VWA8: variants seen among roughly 807,000 people sequenced by gnomAD.
VWA8 encodes von Willebrand factor A domain-containing protein 8.
In VWA8, 221 loss-of-function variants were observed where a neutral mutation model predicts 241.5. That is an observed-to-expected ratio of 0.91 (90% CI 0.82 to 1.02). The LOEUF (loss-of-function observed/expected upper bound fraction) is 1.02, where lower values mean the gene tolerates loss of function less well. Ranked by LOEUF, VWA8 falls within the 50% of genes least tolerant of loss-of-function variation. The pLI, the probability that VWA8 is intolerant of heterozygous loss-of-function variation, is 0.00. For missense variants in VWA8, 2,322 were observed against 2,328.7 expected (o/e 1.00, Z 0.06); for synonymous variants, 852 against 827.1 (o/e 1.03, Z -0.52).
chr13:41,731,800 G>C (rs1463435422), intron 22 of VWA8, among the ~76,000 whole-genome samples: 2 of 152,062 alleles, frequency 1.3e-5, no homozygotes, highest in African/African-American at 4.8e-5. Context: ...ATGGTTTTAC[G>C]AGGGGAAACC....
intron 2 of VWA8, among the ~76,000 whole-genome samples, chr13:41,913,613 C>T (rs1026639949): frequency 6.6e-6 from 1 of 152,148 alleles, no homozygotes; most frequent in African/African-American, 2.4e-5. Flanking sequence ...TACTCCCCTG[C>T]CCCAAAGAAA....
chr13:41,720,715 T>G (rs527663183), intron 25 of VWA8, among the ~76,000 whole-genome samples: 1 of 152,300 alleles, frequency 6.6e-6, no homozygotes, highest in African/African-American at 2.4e-5. Flanking sequence ...CTGCCCCACC[T>G]TTCTACTTTT....
chr13:41,938,292 T>C (rs1877441659), intron 2 of VWA8, among the ~76,000 whole-genome samples: 1 of 152,134 alleles, frequency 6.6e-6, no homozygotes, highest in South Asian at 2.1e-4. Context: ...CTCTACAGGA[T>C]ACTTCAGAAC....
intron 42 of VWA8, among the ~76,000 whole-genome samples, chr13:41,581,399 C>CA (rs1208380146): frequency 6.6e-6 from 1 of 152,208 alleles, no homozygotes; most frequent in Admixed American, 6.5e-5. Flanking sequence ...ATTACATAAT[C>CA]CCTAACACAA....
chr13:41,712,302 CA>C (rs1349834847), intron 26 of VWA8, among the ~76,000 whole-genome samples: 3 of 152,100 alleles, frequency 2.0e-5, no homozygotes, highest in African/African-American at 7.2e-5. Context: ...ATGGATACCC[CA>C]AATACCCTGA....
intron 37 of VWA8, among the ~76,000 whole-genome samples, chr13:41,617,421 AT>A (rs888900118): frequency 1.4e-4 from 22 of 151,838 alleles, no homozygotes; most frequent in African/African-American, 4.8e-4. Flanking sequence ...GCCAAGATAC[AT>A]TTTTTTTTAA....
At chr13:41,571,004 A>G (rs1344730184) in intron 43 of VWA8, among the ~76,000 whole-genome samples, 1 of 152,222 alleles carries the variant, frequency 6.6e-6, no homozygotes, top group East Asian at 1.9e-4. Flanking sequence ...ATAAGAAAAT[A>G]TAAAACTTGG....
intron 4 of VWA8, among the ~76,000 whole-genome samples, chr13:41,898,080 T>G (rs1875213995): frequency 6.6e-6 from 1 of 152,130 alleles, no homozygotes; most frequent in Non-Finnish European, 1.5e-5. Flanking sequence ...GAGTGTCGAT[T>G]GGTGCATTCA....
At chr13:41,798,015 T>C (rs552100477) in intron 17 of VWA8, among the ~76,000 whole-genome samples, 1 of 152,298 alleles carries the variant, frequency 6.6e-6, no homozygotes, top group South Asian at 2.1e-4. Flanking sequence ...CACCACTGGA[T>C]TTATTGATTT....
At position 41,929,822 on chromosome 13, in the gene VWA8, A is replaced by G. The variant is rs79194894; in HGVS notation, c.242-17654T>C. Among the ~76,000 whole-genome samples, 773 of 152,336 alleles carry G rather than the reference A, an allele frequency of 5.1e-3. 11 individuals are homozygous for G. The highest frequency in any genetic ancestry group is 0.018 in the African/African-American group (737 of 41,566). Reference sequence around the variant, plus strand: ...AAAGCTCCTGGACATTGGCCTTGGCAATGATTTCTTTTTTATTATCTCAAC... The same window carrying G: ...AAAGCTCCTGGACATTGGCCTTGGCGATGATTTCTTTTTTATTATCTCAAC... On this transcript the variant is annotated intron_variant, in intron 2 of 44. Coordinates refer to ENST00000379310, the MANE Select transcript of VWA8 (RefSeq NM_015058.2).
At chr13:41,688,339 C>T (rs1290985738) in intron 34 of VWA8, among the ~76,000 whole-genome samples, 1 of 152,102 alleles carries the variant, frequency 6.6e-6, no homozygotes, top group Non-Finnish European at 1.5e-5. Flanking sequence ...ATAATTCTAT[C>T]ATCCCATCTA....
rs1186874924 is a variant in VWA8, at chr13:41,819,880, T to G, written c.1701-494A>C. 2.6e-5 allele frequency among the ~76,000 whole-genome samples: 4 copies of G among 152,176 alleles called. No individual in the cohort carries two copies. In the East Asian group the frequency reaches 7.7e-4, roughly 29 times the overall value. ...AGAAACATAAAGGGTTAGATTGAAT[T>G]TAAAATTTAGATTGGGAATAAGAAC... On this transcript the variant is annotated intron_variant, in intron 14 of 44. Coordinates refer to ENST00000379310, the MANE Select transcript of VWA8 (RefSeq NM_015058.2).
chr13:41,860,443 CAT>C (rs1030085444), intron 12 of VWA8, among the ~76,000 whole-genome samples: 18 of 152,232 alleles, frequency 1.2e-4, no homozygotes, highest in African/African-American at 4.3e-4. Flanking sequence ...ACTGATAAGA[CAT>C]GACTAAATGA....
intron 1 of VWA8, among the ~76,000 whole-genome samples, chr13:41,950,672 T>G (rs555460598): frequency 2.7e-5 from 4 of 147,990 alleles, no homozygotes; most frequent in Non-Finnish European, 4.5e-5. Flanking sequence ...TCAGCCTTTT[T>G]TTTTTTTTTT....
At chr13:41,933,452 A>C (rs1312843088) in intron 2 of VWA8, among the ~76,000 whole-genome samples, 5 of 152,080 alleles carry the variant, frequency 3.3e-5, no homozygotes, top group Admixed American at 3.3e-4. Flanking sequence ...TTGTTTTATA[A>C]ATTGACAAGT....
Position 41,863,423 on chromosome 13 carries a change from GTGTGTGTGTGTATA to G in VWA8, c.1425+2299_1425+2312del, listed in dbSNP as rs1448156780. ...TGTGTGTGTGTGTGTGTGTGTGTGTGTGTGTGTGTGTATATATATATATATATATATTCACACAC... is the reference window on the plus strand; with the variant it reads ...TGTGTGTGTGTGTGTGTGTGTGTGTGTATATATATATATATATTCACACAC... On this transcript the variant is annotated intron_variant, in intron 12 of 44. Transcript: ENST00000379310. 1.6e-3 allele frequency among the ~76,000 whole-genome samples: 101 copies of G among 61,726 alleles called. 2 individuals carry two copies. The highest frequency in any genetic ancestry group is 2.2e-3 in the South Asian group (3 of 1,334). 40.5% of individuals were successfully genotyped at this position (61,726 alleles called of 152,430 possible).
intron 37 of VWA8, among the ~76,000 whole-genome samples, chr13:41,668,995 G>T (rs1300220580): frequency 2.0e-5 from 3 of 151,990 alleles, no homozygotes; most frequent in African/African-American, 7.3e-5. Context: ...TAGAGACAGG[G>T]TCTTGTTTTG....
intron 4 of VWA8, among the ~76,000 whole-genome samples, chr13:41,903,995 T>C (rs1352485355): frequency 1.3e-5 from 2 of 152,178 alleles, no homozygotes; most frequent in East Asian, 3.8e-4. Flanking sequence ...AAATAACAGA[T>C]GCTCATCAGA....
At chr13:41,928,981 T>C (rs1385521463) in intron 2 of VWA8, among the ~76,000 whole-genome samples, 2 of 152,042 alleles carry the variant, frequency 1.3e-5, no homozygotes, top group African/African-American at 4.8e-5. Context: ...GTATATACTA[T>C]CCAAAGCAGT....
Sources: allele counts gnomAD v4.1 joint callset (sites outside exome capture counted in the v4.1 genomes callset), GRCh38; gene constraint gnomAD v4.1.1; transcripts MANE v1.5; gene names NCBI Gene and HGNC (gene_info 2026-07-23, HGNC 2026-07-21).